ASXL1: variants seen among roughly 807,000 people sequenced by gnomAD.
ASXL1 encodes the protein ASXL transcriptional regulator 1, also known as polycomb group protein ASXL1.
Under a neutral mutation model 89.1 loss-of-function variants are expected in ASXL1, and 65 were observed. The observed-to-expected ratio is 0.73, with a 90% confidence interval of 0.60 to 0.90. ASXL1 has a LOEUF of 0.90. Among genes scored for constraint, ASXL1 ranks in the 40% least tolerant of loss-of-function variants. The pLI is 0.00. For synonymous variants in ASXL1, 739 were observed against 746.9 expected (o/e 0.99, Z 0.17); for missense variants, 1,786 against 1,942.9 (o/e 0.92, Z 1.52).
At chr20:32,376,389 C>T (rs2048378773) in intron 4 of ASXL1, among the ~76,000 whole-genome samples, 1 of 152,096 alleles carries the variant, frequency 6.6e-6, no homozygotes, top group African/African-American at 2.4e-5. Context: ...ATCCTCCTGC[C>T]TCAGCCTCTT....
intron 12 of ASXL1, chr20:32,434,155 A>G (rs2011637124): frequency 2.7e-6 from 2 of 727,994 alleles, no homozygotes; most frequent in Non-Finnish European, 4.4e-6. Flanking sequence ...GGGTTTTAAA[A>G]TCTTTTTAAG....
chr20:32,381,766 G>A (rs1000986782), intron 4 of ASXL1, among the ~76,000 whole-genome samples: 4 of 151,916 alleles, frequency 2.6e-5, no homozygotes, highest in Admixed American at 1.3e-4. Flanking sequence ...CACCCACCTC[G>A]GCCTCCCAAA....
chr20:32,418,622 G>T (rs993620884), intron 4 of ASXL1, among the ~76,000 whole-genome samples: 1 of 151,926 alleles, frequency 6.6e-6, no homozygotes, highest in Non-Finnish European at 1.5e-5. Context: ...CTAGTCCCTA[G>T]CATCACCAGT....
chr20:32,435,979 A>G lies in ASXL1; in HGVS notation c.3267A>G (p.Pro1089=). Residue 1089 remains proline (P), a synonymous_variant, in exon 13 of 13, where the codon CCA becomes CCG. Coordinates refer to ENST00000375687, the MANE Select transcript of ASXL1 (RefSeq NM_015338.6). ...SLLLASTEYQ[P]RAVCLSMPGS... ...TGCTGGCCAGTACTGAGTACCAGCC[A>G]AGAGCCGTGTGCCTGTCCATGCCTG... The G allele has an allele frequency of 6.2e-7, 1 of 1,614,166 alleles. No homozygotes were observed. The highest frequency in any genetic ancestry group is 8.5e-7 in the Non-Finnish European group (1 of 1,180,024).
chr20:32,412,038 C>G (rs977112638), intron 4 of ASXL1, among the ~76,000 whole-genome samples: 1 of 152,084 alleles, frequency 6.6e-6, no homozygotes, highest in Non-Finnish European at 1.5e-5. Context: ...TTATATTTTC[C>G]CAGCCCCACT....
chr20:32,383,627 T>G lies in ASXL1; in HGVS notation c.252+14504T>G, dbSNP rs535883759. Among the ~76,000 whole-genome samples, 310 of 152,298 alleles carry G rather than the reference T, an allele frequency of 2.0e-3. 2 individuals are homozygous for G. Among genetic ancestry groups the G allele is most frequent in the South Asian group, 0.014 (68 of 4,828 alleles). ...CCGGCCAGTTGTTGGTTTTCTTTTC[T>G]GTGCCAGATTGAGTGATATATGGTG... On this transcript the variant is annotated intron_variant, in intron 4 of 12. Transcript: ENST00000375687.
Position 32,436,604 on chromosome 20 carries a change from A to G in ASXL1, c.3892A>G (p.Thr1298Ala). ...GGCCCTGGGTGATCAGAGCAATGTT[A>G]CAGGCCAAGGGAAGAAGCTTTTTGG... is the stretch of plus-strand genomic sequence containing the variant. ...GRALGDQSNV[T>A]GQGKKLFGSG... The change falls in exon 13 of 13, where the codon ACA becomes GCA. Residue 1298 changes from threonine (T) to alanine (A), a missense_variant. Thr to Ala is a moderately conservative substitution (Grantham distance 58, BLOSUM62 0). Coordinates refer to ENST00000375687, the MANE Select transcript of ASXL1 (RefSeq NM_015338.6). 2 of 1,614,158 alleles carry G rather than the reference A, an allele frequency of 1.2e-6. No homozygotes were observed. The highest frequency in any genetic ancestry group is 2.2e-5 in the South Asian group (2 of 91,082).
At chr20:32,402,410 T>TGTGAA (rs1238930564) in intron 4 of ASXL1, among the ~76,000 whole-genome samples, 1 of 152,264 alleles carries the variant, frequency 6.6e-6, no homozygotes, top group African/African-American at 2.4e-5. Flanking sequence ...ATAAAGCTGC[T>TGTGAA]GTGAACATTT....
At chr20:32,398,603 GTTTT>G (rs375341392) in intron 4 of ASXL1, among the ~76,000 whole-genome samples, 1 of 126,458 alleles carries the variant, frequency 7.9e-6, no homozygotes, top group African/African-American at 3.2e-5. Flanking sequence ...TTTTTTGTTT[GTTTT>G]TTTTTTTGTT....
At chr20:32,374,387 G>A (rs1569249441) in intron 4 of ASXL1, among the ~76,000 whole-genome samples, 2 of 151,940 alleles carry the variant, frequency 1.3e-5, no homozygotes, top group African/African-American at 4.8e-5. Flanking sequence ...TTGAGCGCCT[G>A]GGCTTAAGGA....
At position 32,361,671 on chromosome 20, in the gene ASXL1, T is replaced by A. The variant is rs764732152; in HGVS notation, c.57+2839T>A. On this transcript the variant is annotated intron_variant, in intron 1 of 12. Coordinates refer to ENST00000375687, the MANE Select transcript of ASXL1 (RefSeq NM_015338.6). ...AAAAGAAAAAAAGAAAAAGGACTTG[T>A]TGAGAATGTGATATGCAATTTGAGT... Among the ~76,000 whole-genome samples, 25 of 151,656 alleles carry A rather than the reference T, an allele frequency of 1.6e-4. 2 individuals carry two copies. In the Middle Eastern group the frequency reaches 0.031, roughly 187 times the overall value.
chr20:32,421,254 CA>C lies in ASXL1; in HGVS notation c.253-6862del, dbSNP rs568332856. Among the ~76,000 whole-genome samples the C allele has an allele frequency of 9.7e-3, 1,336 of 137,288 alleles. 22 individuals carry two copies. Among genetic ancestry groups the C allele is most frequent in the East Asian group, 0.054 (257 of 4,786 alleles). 90.1% of individuals were successfully genotyped at this position (137,288 alleles called of 152,430 possible). On this transcript the variant is annotated intron_variant, in intron 4 of 12. Transcript: ENST00000375687. Reference sequence around the variant, plus strand: ...GTAAAATTTAAAAAAAAAAAAACTTCAAAAAAAAAAAAGTGCTCAACATCTT... The same window carrying C: ...GTAAAATTTAAAAAAAAAAAAACTTCAAAAAAAAAAAGTGCTCAACATCTT...
intron 4 of ASXL1, among the ~76,000 whole-genome samples, chr20:32,424,553 A>T (rs1396482700): frequency 6.6e-6 from 1 of 152,170 alleles, no homozygotes; most frequent in Non-Finnish European, 1.5e-5. Context: ...AAACAAAAAA[A>T]CTGCCACCTA....
At chr20:32,376,417 T>C (rs1429130304) in intron 4 of ASXL1, among the ~76,000 whole-genome samples, 1 of 151,754 alleles carries the variant, frequency 6.6e-6, no homozygotes, top group African/African-American at 2.4e-5. Flanking sequence ...TGGGATTATA[T>C]GCGTGAGCCA....
At chr20:32,395,695 T>A (rs1241771302) in intron 4 of ASXL1, among the ~76,000 whole-genome samples, 1 of 152,260 alleles carries the variant, frequency 6.6e-6, no homozygotes, top group Non-Finnish European at 1.5e-5. Context: ...TGATTCTCTT[T>A]GTTTTGGGTA....
At chr20:32,391,857 A>G (rs569075010) in intron 4 of ASXL1, among the ~76,000 whole-genome samples, 1 of 152,068 alleles carries the variant, frequency 6.6e-6, no homozygotes, top group South Asian at 2.1e-4. Flanking sequence ...TTACTTTGAT[A>G]TTGATATAGT....
rs144147363 is a variant in ASXL1 at position 32,368,408 on chromosome 20, C to T, written c.144-607C>T. ...CTGGGAACTAAATCCACTTGACTTA[C>T]TTTTTGCATTTAGGTTTAAATAATT... On this transcript the variant is annotated intron_variant, in intron 3 of 12. Transcript: ENST00000375687. Among the ~76,000 whole-genome samples the T allele has an allele frequency of 1.5e-3, 232 of 152,252 alleles. 5 individuals carry two copies. In the East Asian group the frequency reaches 0.039, roughly 25 times the overall value.
intron 1 of ASXL1, 74 bp downstream of exon 1, chr20:32,358,906 G>C (rs1163924921): frequency 1.4e-6 from 2 of 1,393,622 alleles, no homozygotes; most frequent in African/African-American, 1.5e-5. Context: ...CCCCACTGGG[G>C]GGGGAGGGGC....
intron 4 of ASXL1, among the ~76,000 whole-genome samples, chr20:32,400,102 T>TTTA (rs2048847444): frequency 6.6e-6 from 1 of 151,116 alleles, no homozygotes; most frequent in African/African-American, 2.4e-5. Flanking sequence ...TGATTTGGTT[T>TTTA]AAAAAAAAAT....
Sources: gnomAD v4.1 joint callset for allele counts (sites outside exome capture counted in the v4.1 genomes callset) on GRCh38, gnomAD v4.1.1 for gene constraint, MANE v1.5 for transcripts, NCBI Gene and HGNC (gene_info 2026-07-23, HGNC 2026-07-21) for gene names.